CIMIP1: variants seen among roughly 807,000 people sequenced by gnomAD.
CIMIP1 encodes the protein low in lung cancer 1.
chr20:58,160,743 T>A, the CIMIP1 span: 1 of 1,614,162 alleles, frequency 6.2e-7, no homozygotes, highest in Non-Finnish European at 8.5e-7. Flanking sequence ...AACAAGTGCC[T>A]AGAGCTCGAC....
At chr20:58,159,141 G>A in the CIMIP1 span, among the ~76,000 whole-genome samples, 21 of 148,124 alleles carry the variant, frequency 1.4e-4, no homozygotes, top group Non-Finnish European at 2.5e-4. Flanking sequence ...ATGCCTCAGA[G>A]TAGATTGTTA....
chr20:58,160,677 C>CA, the CIMIP1 span: 10 of 1,613,906 alleles, frequency 6.2e-6, no homozygotes, highest in African/African-American at 5.3e-5. Context: ...CCATCCCCCC[C>CA]AGTCCCACAG....
the CIMIP1 span, chr20:58,153,575 C>T: frequency 7.3e-5 from 118 of 1,614,120 alleles, no homozygotes; most frequent in South Asian, 3.1e-4. Flanking sequence ...ATCGGAAGCA[C>T]GGCAGAACTG....
chr20:58,155,525 C>T, the CIMIP1 span: 22 of 1,614,072 alleles, frequency 1.4e-5, no homozygotes, highest in South Asian at 2.1e-4. Context: ...GCTTCCTGAG[C>T]GTTTCCGCAT....
At chr20:58,154,179 C>T in the CIMIP1 span, among the ~76,000 whole-genome samples, 6 of 152,314 alleles carry the variant, frequency 3.9e-5, no homozygotes, top group East Asian at 1.2e-3. Flanking sequence ...TCTACAGGGA[C>T]CAGCTAGGTG....
the CIMIP1 span, among the ~76,000 whole-genome samples, chr20:58,152,320 C>G: frequency 6.6e-6 from 1 of 152,112 alleles, no homozygotes. Context: ...TAAGTGACCC[C>G]TCCTCTTTGA....
the CIMIP1 span, chr20:58,160,630 G>A: frequency 4.4e-6 from 7 of 1,599,914 alleles, no homozygotes; most frequent in Non-Finnish European, 6.0e-6. Context: ...TGTGGCCGAA[G>A]GTCACTAAAT....
the CIMIP1 span, chr20:58,160,608 G>A: frequency 6.4e-7 from 1 of 1,568,878 alleles, no homozygotes; most frequent in Non-Finnish European, 8.7e-7. Flanking sequence ...GATGCTGGGT[G>A]CCTCGTGTCT....
chr20:58,160,812 G>A, the CIMIP1 span: 9 of 1,612,160 alleles, frequency 5.6e-6, no homozygotes, highest in Non-Finnish European at 5.9e-6. Context: ...CCCAAGCAGG[G>A]CGTGCACTGA....
the CIMIP1 span, among the ~76,000 whole-genome samples, chr20:58,158,455 C>T: frequency 6.6e-6 from 1 of 152,194 alleles, no homozygotes. Context: ...TTGAGACCAT[C>T]CTGGCTAACA....
the CIMIP1 span, chr20:58,151,021 G>A: frequency 6.2e-7 from 1 of 1,607,850 alleles, no homozygotes; most frequent in Non-Finnish European, 8.5e-7. Context: ...TTGTGGGTCA[G>A]GATGAGATCT....
At chr20:58,160,586 G>T in the CIMIP1 span, 1 of 1,486,606 alleles carries the variant, frequency 6.7e-7, no homozygotes, top group Non-Finnish European at 9.1e-7. Context: ...TTCCACCCCT[G>T]CCTCACATGC....
chr20:58,154,160 G>A, the CIMIP1 span, among the ~76,000 whole-genome samples: 1 of 152,330 alleles, frequency 6.6e-6, no homozygotes, highest in Non-Finnish European at 1.5e-5. Flanking sequence ...AAGATGACAA[G>A]TCCAGAAGTC....
At chr20:58,155,580 T>G in the CIMIP1 span, 1 of 1,600,392 alleles carries the variant, frequency 6.2e-7, no homozygotes, top group Non-Finnish European at 8.5e-7. Flanking sequence ...GTTTGAAACG[T>G]TTTTAAATAC....
the CIMIP1 span, among the ~76,000 whole-genome samples, chr20:58,153,952 T>C: frequency 6.6e-6 from 1 of 152,170 alleles, no homozygotes; most frequent in East Asian, 1.9e-4. Flanking sequence ...AGGACCCTAC[T>C]CAGGTGAGAA....
chr20:58,156,007 G>A, the CIMIP1 span, among the ~76,000 whole-genome samples: 1 of 152,210 alleles, frequency 6.6e-6, no homozygotes, highest in Non-Finnish European at 1.5e-5. Flanking sequence ...TACAATGGGG[G>A]TTAATGAAGC....
At chr20:58,160,676 C>A in the CIMIP1 span, 3 of 1,613,894 alleles carry the variant, frequency 1.9e-6, no homozygotes, top group Middle Eastern at 1.6e-4. Context: ...TCCATCCCCC[C>A]CAGTCCCACA....
the CIMIP1 span, among the ~76,000 whole-genome samples, chr20:58,160,117 C>T: frequency 6.6e-6 from 1 of 152,232 alleles, no homozygotes; most frequent in Admixed American, 6.5e-5. Flanking sequence ...AATGTCAAAT[C>T]TGTCCAAGGA....
the CIMIP1 span, among the ~76,000 whole-genome samples, chr20:58,158,725 G>T: frequency 6.6e-6 from 1 of 151,800 alleles, no homozygotes; most frequent in Non-Finnish European, 1.5e-5. Context: ...GGTGACCAAA[G>T]CCTTTAAAAA....
Sources: gnomAD v4.1 joint callset for allele counts (sites outside exome capture counted in the v4.1 genomes callset) on GRCh38, gnomAD v4.1.1 for gene constraint, MANE v1.5 for transcripts, NCBI Gene and HGNC (gene_info 2026-07-23, HGNC 2026-07-21) for gene names.